TRPC6: variants seen among roughly 807,000 people sequenced by gnomAD.
The protein encoded by TRPC6 is short transient receptor potential channel 6.
A neutral mutation model predicts 90.7 loss-of-function variants in TRPC6; 55 were observed. The observed-to-expected ratio is 0.61, with a 90% confidence interval of 0.49 to 0.76. TRPC6 has a LOEUF of 0.76. Ranked by LOEUF, TRPC6 falls within the 30% of genes least tolerant of loss-of-function variation. The pLI is 0.00. For synonymous variants in TRPC6, 393 were observed against 393.0 expected, an observed-to-expected ratio of 1.00 and a Z score of 0.00; for missense variants, 989 against 1,122.7, an observed-to-expected ratio of 0.88 and a Z score of 1.70.
chr11:101,546,050 C>CCTTTTTTTTTTT (rs1861295770), intron 1 of TRPC6, among the ~76,000 whole-genome samples: 5 of 29,724 alleles, frequency 1.7e-4, no homozygotes, highest in African/African-American at 6.5e-4. Flanking sequence ...ATTTATAACT[C>CCTTTTTTTTTTT]TTTTTTTTTT....
chr11:101,486,402 T>A (rs557777328), intron 4 of TRPC6, among the ~76,000 whole-genome samples: 1 of 152,142 alleles, frequency 6.6e-6, no homozygotes, highest in East Asian at 1.9e-4. Flanking sequence ...AGGGTAAGCA[T>A]TGAAATAAAT....
chr11:101,507,330 ATTTTT>A (rs144965095), intron 1 of TRPC6, among the ~76,000 whole-genome samples: 2 of 145,730 alleles, frequency 1.4e-5, no homozygotes, highest in African/African-American at 2.5e-5. Flanking sequence ...TTAAGTGGGT[ATTTTT>A]TTTTTTCAAT....
chr11:101,524,080 T>C (rs540768451), intron 1 of TRPC6, among the ~76,000 whole-genome samples: 13 of 152,268 alleles, frequency 8.5e-5, no homozygotes, highest in South Asian at 4.1e-4. Flanking sequence ...CTACATCCCA[T>C]TGTTTAGTCC....
Position 101,531,274 on chromosome 11 carries a change from A to C in TRPC6, c.171-26476T>G, listed in dbSNP as rs192494836. Among the ~76,000 whole-genome samples the C allele has an allele frequency of 2.7e-4, 41 of 152,370 alleles. 1 individual carries two copies. Among genetic ancestry groups the C allele is most frequent in the Admixed American group, 2.3e-3 (35 of 15,310 alleles). The stretch of plus-strand genomic sequence containing the variant: ...AAAACTCAATCCCCATAAGAACTCT[A>C]TGAGGTACATGATATTAGTACCAGC... On this transcript the variant is annotated intron_variant, in intron 1 of 12. Coordinates refer to ENST00000344327, the MANE Select transcript of TRPC6 (RefSeq NM_004621.6).
intron 1 of TRPC6, among the ~76,000 whole-genome samples, chr11:101,575,466 TC>T (rs1277357108): frequency 1.3e-5 from 2 of 152,314 alleles, no homozygotes; most frequent in East Asian, 3.9e-4. Flanking sequence ...TCACCTACCT[TC>T]TTTTTACTGT....
intron 11 of TRPC6, among the ~76,000 whole-genome samples, chr11:101,453,959 T>C (rs568390076): frequency 1.3e-5 from 2 of 152,286 alleles, no homozygotes; most frequent in South Asian, 4.1e-4. Context: ...TAGAAAAGAA[T>C]GTTTAGAGCA....
intron 1 of TRPC6, among the ~76,000 whole-genome samples, chr11:101,576,342 T>C (rs1017713324): frequency 7.9e-5 from 12 of 152,330 alleles, no homozygotes; most frequent in African/African-American, 2.6e-4. Context: ...GTAATTCTAG[T>C]TAACATCATT....
chr11:101,469,285 T>C (rs887179607), intron 10 of TRPC6, 142 bp downstream of exon 10: 4 of 635,884 alleles, frequency 6.3e-6, no homozygotes, highest in Admixed American at 5.3e-5. Context: ...AATAACAGAA[T>C]TGTTGAGATT....
intron 1 of TRPC6, among the ~76,000 whole-genome samples, chr11:101,569,738 T>A (rs11224866): frequency 0.38 from 57,382 of 151,884 alleles, 11,509 homozygotes; most frequent in Non-Finnish European, 0.46. Flanking sequence ...CACAACTACA[T>A]AGAAACTGAA....
intron 1 of TRPC6, among the ~76,000 whole-genome samples, chr11:101,531,673 C>T (rs183890734): frequency 3.7e-4 from 57 of 152,348 alleles, no homozygotes; most frequent in Non-Finnish European, 5.1e-4. Flanking sequence ...TACTATTTTA[C>T]TGCCTACCAT....
intron 10 of TRPC6, among the ~76,000 whole-genome samples, chr11:101,456,330 G>A (rs1050741962): frequency 6.6e-6 from 1 of 152,124 alleles, no homozygotes; most frequent in Admixed American, 6.6e-5. Context: ...ACTAATTTAT[G>A]AATTTGTGAA....
chr11:101,563,587 C>T (rs1861763418), intron 1 of TRPC6, among the ~76,000 whole-genome samples: 1 of 151,842 alleles, frequency 6.6e-6, no homozygotes, highest in Non-Finnish European at 1.5e-5. Context: ...ATAATTACTG[C>T]CTAATAGGTA....
intron 10 of TRPC6, among the ~76,000 whole-genome samples, chr11:101,469,069 G>A (rs1327483924): frequency 6.6e-6 from 1 of 152,146 alleles, no homozygotes; most frequent in East Asian, 1.9e-4. Flanking sequence ...AAATTAGGAG[G>A]CACTGGGGAC....
intron 1 of TRPC6, among the ~76,000 whole-genome samples, chr11:101,541,828 G>T (rs1255834859): frequency 6.6e-6 from 1 of 152,156 alleles, no homozygotes; most frequent in Non-Finnish European, 1.5e-5. Flanking sequence ...TAATGTATAT[G>T]CATGTTTAAC....
At chr11:101,483,299 T>G in intron 4 of TRPC6, 134 bp from the exon 5 acceptor site, 1 of 1,118,888 alleles carries the variant, frequency 8.9e-7, no homozygotes, top group Non-Finnish European at 1.3e-6. Context: ...TTTATGTAAT[T>G]CGTGATAGAG....
intron 1 of TRPC6, among the ~76,000 whole-genome samples, chr11:101,518,832 T>TA (rs1223983499): frequency 6.6e-6 from 1 of 152,180 alleles, no homozygotes; most frequent in Admixed American, 6.5e-5. Context: ...ATGTGGTACT[T>TA]ATACGCAATG....
At chr11:101,574,688 T>G (rs901071939) in intron 1 of TRPC6, among the ~76,000 whole-genome samples, 1 of 151,766 alleles carries the variant, frequency 6.6e-6, no homozygotes, top group African/African-American at 2.4e-5. Flanking sequence ...TTATAGCTGC[T>G]TCTGCCACCC....
At chr11:101,466,691 A>G (rs1203544422) in intron 10 of TRPC6, among the ~76,000 whole-genome samples, 1 of 152,156 alleles carries the variant, frequency 6.6e-6, no homozygotes, top group East Asian at 1.9e-4. Context: ...CCCTGGCTTC[A>G]GCCCCCTTTC....
chr11:101,476,566 A>T lies in TRPC6; in HGVS notation c.1511-32T>A, dbSNP rs372320316. Reference sequence around the variant, plus strand: ...CAGAAAGGGGTTAAAATATCAATTCAATCGCATTCAGCCTTAGCTGTTCTA... The same window carrying T: ...CAGAAAGGGGTTAAAATATCAATTCTATCGCATTCAGCCTTAGCTGTTCTA... On this transcript the variant is annotated intron_variant, in intron 5 of 12. Transcript: ENST00000344327. 3.2e-6 allele frequency: 5 copies of T among 1,551,706 alleles called. No individual in the cohort carries two copies. In the African/African-American group the frequency reaches 6.8e-5, roughly 21 times the overall value.
Sources: allele counts gnomAD v4.1 joint callset (sites outside exome capture counted in the v4.1 genomes callset), GRCh38; gene constraint gnomAD v4.1.1; transcripts MANE v1.5; gene names NCBI Gene and HGNC (gene_info 2026-07-23, HGNC 2026-07-21).